The following WDR49 variants were observed in gnomAD, a reference collection of about 807,000 sequenced individuals.
WDR49 encodes cilia- and flagella-associated protein 337.
In WDR49, 107 loss-of-function variants were observed where a neutral mutation model predicts 119.5. That is an observed-to-expected ratio of 0.90 (90% CI 0.77 to 1.05). WDR49 has a LOEUF of 1.05. WDR49 is among the 50% of genes least tolerant of loss of function. The probability of loss-of-function intolerance (pLI) is 0.00; values close to 1 mark genes in which losing one functional copy is unlikely to be tolerated. For missense variants in WDR49, 1,240 were observed against 1,220.5 expected (o/e 1.02, Z -0.24); for synonymous variants, 425 against 418.8 (o/e 1.01, Z -0.18).
chr3:167,654,479 A>G (rs1479478253), upstream of WDR49, among the ~76,000 whole-genome samples: 1 of 152,236 alleles, frequency 6.6e-6, no homozygotes, highest in African/African-American at 2.4e-5. Flanking sequence ...GAAAAAGAAG[A>G]AAAATTAACA....
Position 167,528,035 on chromosome 3 carries a change from C to A in WDR49, c.2407-18G>T. The stretch of plus-strand genomic sequence containing the variant: ...CAGTACTCCTGAATGAAAAGAAATA[C>A]CAGAACTCTAAAAAATTCAAATATG... On this transcript the variant is annotated intron_variant, in intron 14 of 18. Transcript: ENST00000682715. 1 of 1,591,114 alleles carries A rather than the reference C, an allele frequency of 6.3e-7. No individual in the cohort carries two copies. Among genetic ancestry groups the A allele is most frequent in the Non-Finnish European group, 8.6e-7 (1 of 1,165,848 alleles).
chr3:167,610,028 T>C (rs1189049439), intron 5 of WDR49, among the ~76,000 whole-genome samples: 1 of 149,936 alleles, frequency 6.7e-6, no homozygotes, highest in Non-Finnish European at 1.5e-5. Flanking sequence ...TGTGCCCTGA[T>C]GCAATATCCA....
At chr3:167,583,462 A>C (rs953721726) in intron 7 of WDR49, among the ~76,000 whole-genome samples, 3 of 152,058 alleles carry the variant, frequency 2.0e-5, no homozygotes, top group African/African-American at 7.2e-5. Flanking sequence ...TGGGAGGCCG[A>C]GGTGGGAAAA....
chr3:167,528,188 A>G (rs1752705014), intron 14 of WDR49, among the ~76,000 whole-genome samples, 171 bp from the exon 15 acceptor site: 1 of 152,072 alleles, frequency 6.6e-6, no homozygotes, highest in Admixed American at 6.6e-5. Flanking sequence ...TTACATTAAA[A>G]AAAGGTTTCT....
intron 18 of WDR49, among the ~76,000 whole-genome samples, chr3:167,492,663 T>C (rs190600390): frequency 6.6e-5 from 10 of 152,266 alleles, no homozygotes; most frequent in Admixed American, 6.5e-4. Context: ...TATTTTCAGT[T>C]GAGGAAACTA....
intron 7 of WDR49, among the ~76,000 whole-genome samples, chr3:167,578,130 C>T (rs1317005655): frequency 1.3e-5 from 2 of 152,070 alleles, no homozygotes; most frequent in East Asian, 1.9e-4. Context: ...TTAAATGATC[C>T]CAATTCTTTC....
chr3:167,560,572 C>T (rs895144441), intron 8 of WDR49, among the ~76,000 whole-genome samples: 6 of 152,130 alleles, frequency 3.9e-5, no homozygotes, highest in African/African-American at 1.4e-4. Flanking sequence ...AGTCATGGTG[C>T]TCTGACACTA....
chr3:167,491,023 G>A lies in WDR49; in HGVS notation c.3031+9130C>T, dbSNP rs115768551. 5.1e-3 allele frequency among the ~76,000 whole-genome samples: 781 copies of A among 151,842 alleles called. 6 individuals carry two copies. The highest frequency in any genetic ancestry group is 0.018 in the African/African-American group (758 of 41,348). ...AGGACATTACCAAGAATTAAAACCT[G>A]ACATCCCAGATCCCTATACAGACTT... On this transcript the variant is annotated intron_variant, in intron 18 of 18. Coordinates refer to ENST00000682715, the MANE Select transcript of WDR49 (RefSeq NM_001366157.1).
chr3:167,535,738 A>G (rs1182366139), intron 11 of WDR49, among the ~76,000 whole-genome samples: 1 of 152,184 alleles, frequency 6.6e-6, no homozygotes, highest in Non-Finnish European at 1.5e-5. Context: ...ACTACTGGGT[A>G]AGGAAATGAA....
intron 17 of WDR49, among the ~76,000 whole-genome samples, chr3:167,502,510 G>T (rs1218595608): frequency 6.6e-6 from 1 of 152,142 alleles, no homozygotes; most frequent in Non-Finnish European, 1.5e-5. Context: ...CTTAGAGACT[G>T]GTTAAATGGT....
chr3:167,549,421 A>T (rs1712411753), intron 10 of WDR49, among the ~76,000 whole-genome samples: 1 of 152,088 alleles, frequency 6.6e-6, no homozygotes, highest in South Asian at 2.1e-4. Flanking sequence ...TGTGGTTTTG[A>T]TTTGCATTTA....
chr3:167,558,448 G>A (rs181841097), intron 9 of WDR49, among the ~76,000 whole-genome samples: 7 of 152,222 alleles, frequency 4.6e-5, no homozygotes, highest in African/African-American at 1.7e-4. Context: ...ACTCAACCCT[G>A]ATTTATGTAT....
intron 8 of WDR49, among the ~76,000 whole-genome samples, chr3:167,560,779 A>G (rs1713219546): frequency 1.5e-5 from 2 of 131,218 alleles, no homozygotes; most frequent in Non-Finnish European, 3.3e-5. Flanking sequence ...TTATTGATAG[A>G]TTACTAAAAA....
At chr3:167,522,283 T>G in intron 16 of WDR49, 32 bp downstream of exon 16, 2 of 1,543,182 alleles carry the variant, frequency 1.3e-6, no homozygotes, top group Non-Finnish European at 1.7e-6. Context: ...TAGACTTCAG[T>G]TGACATCTGG....
intron 16 of WDR49, among the ~76,000 whole-genome samples, chr3:167,515,809 C>A (rs573458993): frequency 6.6e-6 from 1 of 152,234 alleles, no homozygotes; most frequent in South Asian, 2.1e-4. Flanking sequence ...AAACAATGTG[C>A]AAAAATCACA....
intron 2 of WDR49, chr3:167,633,583 C>T: frequency 2.3e-6 from 1 of 431,190 alleles, no homozygotes; most frequent in Non-Finnish European, 4.6e-6. Flanking sequence ...GATAACCTTT[C>T]AATCTAAAAA....
chr3:167,571,153 G>A (rs1209680938), intron 8 of WDR49, among the ~76,000 whole-genome samples: 1 of 152,118 alleles, frequency 6.6e-6, no homozygotes, highest in East Asian at 1.9e-4. Context: ...TTGGCAGTTT[G>A]TAGATAGTAT....
intron 8 of WDR49, among the ~76,000 whole-genome samples, chr3:167,563,588 G>T (rs1288709608): frequency 6.6e-6 from 1 of 151,956 alleles, no homozygotes; most frequent in Non-Finnish European, 1.5e-5. Context: ...AAACATTTTT[G>T]GATTGATTGA....
intron 10 of WDR49, among the ~76,000 whole-genome samples, chr3:167,548,288 G>A (rs898367291): frequency 1.3e-5 from 2 of 151,946 alleles, no homozygotes; most frequent in Non-Finnish European, 2.9e-5. Context: ...GCTCAAGACT[G>A]GATTCAGATT....
Sources: gnomAD v4.1 joint callset for allele counts (sites outside exome capture counted in the v4.1 genomes callset) on GRCh38, gnomAD v4.1.1 for gene constraint, MANE v1.5 for transcripts, NCBI Gene and HGNC (gene_info 2026-07-23, HGNC 2026-07-21) for gene names.